PTCD3: variants seen among roughly 807,000 people sequenced by gnomAD.
PTCD3 encodes pentatricopeptide repeat domain 3.
A neutral mutation model predicts 101.9 loss-of-function variants in PTCD3; 89 were observed. The observed-to-expected ratio is 0.87, with a 90% CI of 0.74 to 1.04. PTCD3 has a LOEUF of 1.04. Ranked by LOEUF, PTCD3 falls within the 50% of genes least tolerant of loss-of-function variation. The probability of loss-of-function intolerance (pLI) is 0.00; values close to 1 mark genes in which losing one functional copy is unlikely to be tolerated. For missense variants in PTCD3, 870 were observed against 828.2 expected (o/e 1.05, Z -0.62); for synonymous variants, 296 against 278.5 (o/e 1.06, Z -0.63).
chr2:86,137,416 C>A, intron 23 of PTCD3, 53 bp from the exon 24 acceptor site: 1 of 1,609,438 alleles, frequency 6.2e-7, no homozygotes, highest in African/African-American at 1.3e-5. Flanking sequence ...ACACCGAGAA[C>A]CCCAGCACCC....
intron 1 of PTCD3, 117 bp downstream of exon 1, chr2:86,106,468 G>T: frequency 9.6e-7 from 1 of 1,037,844 alleles, no homozygotes. Flanking sequence ...CGCCCTTAAC[G>T]GTCGCGTGCC....
chr2:86,129,646 G>T (rs968590364), intron 14 of PTCD3, among the ~76,000 whole-genome samples: 3 of 152,042 alleles, frequency 2.0e-5, no homozygotes, highest in African/African-American at 7.2e-5. Flanking sequence ...TGTCTCAATA[G>T]TAATAATAAT....
At chr2:86,128,287 G>T (rs1263140237) in intron 14 of PTCD3, among the ~76,000 whole-genome samples, 1 of 149,022 alleles carries the variant, frequency 6.7e-6, no homozygotes, top group East Asian at 1.9e-4. Context: ...TTTTGGACAG[G>T]GTCTTACTAC....
chr2:86,137,387 C>A, intron 23 of PTCD3, 82 bp from the exon 24 acceptor site: 1 of 1,581,290 alleles, frequency 6.3e-7, no homozygotes, highest in Non-Finnish European at 8.6e-7. Context: ...AACTGACAGG[C>A]TATAGGTGAG....
chr2:86,123,820 C>A, intron 9 of PTCD3, 58 bp downstream of exon 9: 2 of 1,104,652 alleles, frequency 1.8e-6, no homozygotes, highest in South Asian at 1.9e-5. Flanking sequence ...ATGGAATATG[C>A]CCCATCACCC....
chr2:86,137,474 C>T lies in PTCD3; in HGVS notation c.1985C>T (p.Ala662Val). The T allele has an allele frequency of 6.2e-7, 1 of 1,613,268 alleles. No individual in the cohort carries two copies. The highest frequency in any genetic ancestry group is 1.3e-5 in the African/African-American group (1 of 74,766). The change falls in exon 24 of 24, where the codon GCC (alanine) becomes GTC (valine). Residue 662 changes from alanine to valine, a missense_variant. By Grantham distance (64) the Ala-to-Val change is moderately conservative. Coordinates refer to ENST00000254630, the MANE Select transcript of PTCD3 (RefSeq NM_017952.6). Reference sequence around the variant, plus strand: ...CCATTTTCTTTTCTTAACAGGGAAGCCCTAAGTAATCTAACTGCATTGACC... The same window carrying T: ...CCATTTTCTTTTCTTAACAGGGAAGTCCTAAGTAATCTAACTGCATTGACC... The part of the protein sequence containing the change: ...DFAINQEQKE[A>V]LSNLTALTSD...
At position 86,110,878 on chromosome 2, in the gene PTCD3, A is replaced by G. The variant is rs1432051887; in HGVS notation, c.195-235A>G. 6.9e-6 allele frequency: 5 copies of G among 724,480 alleles called. No homozygotes were observed. In the African/African-American group the frequency reaches 7.0e-5, roughly 10 times the overall value. 44.9% of individuals were successfully genotyped at this position (724,480 alleles called of 1,614,324 possible). A position where few individuals can be genotyped will look rare whatever the true frequency, so the allele number is the denominator to read the frequency against. On this transcript the variant is annotated intron_variant, in intron 3 of 23. Transcript: ENST00000254630. ...GGATGGAAATCACTAGCCCTGGGTTATGGCATTATGCACCAGGCCAGAGAG... is the reference window on the plus strand; with the variant it reads ...GGATGGAAATCACTAGCCCTGGGTTGTGGCATTATGCACCAGGCCAGAGAG...
At position 86,130,629 on chromosome 2, in the gene PTCD3, T is replaced by G. The variant is rs200154015; in HGVS notation, c.1148-19T>G. ...GGTAAAGGAAGTGGATTAAACACATTTGCTTTCTTGTTCTGCAGGAGACCC... is the reference window on the plus strand; with the variant it reads ...GGTAAAGGAAGTGGATTAAACACATGTGCTTTCTTGTTCTGCAGGAGACCC... On this transcript the variant is annotated intron_variant, in intron 14 of 23. Coordinates refer to ENST00000254630, the MANE Select transcript of PTCD3 (RefSeq NM_017952.6). 2.5e-6 allele frequency: 4 copies of G among 1,604,210 alleles called. No homozygotes were observed. In the East Asian group the frequency reaches 9.0e-5, roughly 36 times the overall value.
rs1283015345 is a variant in PTCD3, at chr2:86,137,131, A to G, written c.1970A>G (p.Gln657Arg). Residue 657 changes from glutamine (Q) to arginine (R), a missense_variant, in exon 23 of 24, where the codon CAG becomes CGG. Gln to Arg is a conservative substitution (Grantham distance 43). Coordinates refer to ENST00000254630, the MANE Select transcript of PTCD3 (RefSeq NM_017952.6). ...QRVMSDFAINQEQKEALSNLT... is the reference protein window; with the variant it reads ...QRVMSDFAINREQKEALSNLT... ...GTAATGAGTGATTTTGCAATCAACC[A>G]GGAACAAAAGTAAGTGGTCACCATG... The G allele has an allele frequency of 1.3e-6, 2 of 1,584,506 alleles. No individual in the cohort carries two copies. Among genetic ancestry groups the G allele is most frequent in the East Asian group, 4.5e-5 (2 of 44,502 alleles).
Position 86,134,990 on chromosome 2 carries a change from G to C in PTCD3, c.1778+3G>C. 1 of 1,613,892 alleles carries C rather than the reference G, an allele frequency of 6.2e-7. No homozygotes were observed. The highest frequency in any genetic ancestry group is 8.5e-7 in the Non-Finnish European group (1 of 1,179,788). ...GCTGGGAGAACTCAGGAAGCCTGGT[G>C]AGTACAGTACCACAAGTATACACTT... On this transcript the variant is annotated splice_donor_region_variant and intron_variant, in intron 21 of 23. Transcript: ENST00000254630.
intron 1 of PTCD3, among the ~76,000 whole-genome samples, chr2:86,106,899 C>G (rs1396360087): frequency 6.6e-6 from 1 of 152,016 alleles, no homozygotes; most frequent in Non-Finnish European, 1.5e-5. Flanking sequence ...TCACTCAGTA[C>G]AAACAGTGGC....
At chr2:86,124,165 A>G (rs1009224231) in intron 9 of PTCD3, among the ~76,000 whole-genome samples, 3 of 152,252 alleles carry the variant, frequency 2.0e-5, no homozygotes, top group African/African-American at 4.8e-5. Context: ...GACAACATGT[A>G]GACATACACA....
chr2:86,137,238 T>C, intron 23 of PTCD3, 98 bp downstream of exon 23: 1 of 1,407,788 alleles, frequency 7.1e-7, no homozygotes, highest in Non-Finnish European at 9.6e-7. Flanking sequence ...CTATTTCCTT[T>C]CAAAAAGTCA....
intron 17 of PTCD3, 55 bp from the exon 18 acceptor site, chr2:86,133,123 C>G (rs949016696): frequency 3.2e-6 from 5 of 1,575,862 alleles, no homozygotes; most frequent in Non-Finnish European, 4.3e-6. Flanking sequence ...CCTTATTTCC[C>G]CTGTTGTTAG....
intron 13 of PTCD3, 47 bp from the exon 14 acceptor site, chr2:86,127,894 T>C (rs1674424096): frequency 2.8e-6 from 4 of 1,445,492 alleles, no homozygotes; most frequent in African/African-American, 2.8e-5. Context: ...TGGATTGCTG[T>C]GTTTTTACCT....
At chr2:86,127,822 C>A in intron 13 of PTCD3, 119 bp from the exon 14 acceptor site, 1 of 800,444 alleles carries the variant, frequency 1.2e-6, no homozygotes, top group East Asian at 2.5e-5. Flanking sequence ...AATAGAAATG[C>A]ATATTTTGCT....
chr2:86,111,870 G>A, intron 4 of PTCD3: 1 of 152,452 alleles, frequency 6.6e-6, no homozygotes, highest in Non-Finnish European at 1.5e-5. Flanking sequence ...TCAGCCTCCT[G>A]AGTAGCTGGG....
intron 10 of PTCD3, 100 bp downstream of exon 10, chr2:86,125,182 T>C: frequency 6.6e-7 from 1 of 1,517,878 alleles, no homozygotes; most frequent in Non-Finnish European, 8.8e-7. Flanking sequence ...TGTTGTGGGG[T>C]CTGTCCTGTG....
chr2:86,117,044 T>C lies in PTCD3; in HGVS notation c.310-11T>C, dbSNP rs1002496695. The C allele has an allele frequency of 9.5e-7, 1 of 1,054,322 alleles. No individual in the cohort carries two copies. The highest frequency in any genetic ancestry group is 1.7e-5 in the Admixed American group (1 of 58,294). 65.3% of individuals were successfully genotyped at this position (1,054,322 alleles called of 1,614,324 possible). A position where few individuals can be genotyped will look rare whatever the true frequency, so the allele number is the denominator to read the frequency against. On this transcript the variant is annotated splice_polypyrimidine_tract_variant and intron_variant, in intron 5 of 23. Transcript: ENST00000254630. ...TAAATTACATGTATTTAAATCTTTT[T>C]CTTTATATAGCGTTCATTTTTACTG... is the stretch of plus-strand genomic sequence containing the variant.
Sources: gnomAD v4.1 joint callset for allele counts (sites outside exome capture counted in the v4.1 genomes callset) on GRCh38, gnomAD v4.1.1 for gene constraint, MANE v1.5 for transcripts, NCBI Gene and HGNC (gene_info 2026-07-23, HGNC 2026-07-21) for gene names.